Variants in PRSS23 observed in about 807,000 individuals in gnomAD.
PRSS23 encodes protease, serine 23.
Under a neutral mutation model 34.7 loss-of-function variants are expected in PRSS23, and 25 were observed. The observed-to-expected ratio is 0.72, with a 90% CI of 0.53 to 1.01. The LOEUF (loss-of-function observed/expected upper bound fraction) is 1.01. Ranked by LOEUF, PRSS23 falls within the 50% of genes least tolerant of loss-of-function variation. The pLI is 0.00. For missense variants in PRSS23, 445 were observed against 475.6 expected (o/e 0.94, Z 0.60); for synonymous variants, 176 against 186.6 (o/e 0.94, Z 0.46).
intron 2 of PRSS23, among the ~76,000 whole-genome samples, chr11:86,868,076 A>G (rs1168574049): frequency 6.6e-6 from 1 of 151,928 alleles, no homozygotes; most frequent in Non-Finnish European, 1.5e-5. Context: ...AGGAAAAAAA[A>G]GTGAAGCCTA....
chr11:86,943,971 CCT>C (rs1165996439), intron 2 of PRSS23, among the ~76,000 whole-genome samples: 10 of 152,016 alleles, frequency 6.6e-5, no homozygotes, highest in Admixed American at 4.6e-4. Flanking sequence ...AAACTCCTGA[CCT>C]CATGTGATCT....
intron 2 of PRSS23, chr11:86,911,691 GT>G (rs1383997035): frequency 6.6e-6 from 1 of 152,084 alleles, no homozygotes; most frequent in Non-Finnish European, 1.5e-5. Flanking sequence ...TGTTTTTGTA[GT>G]TTTAAAAGTA....
chr11:86,870,773 A>G (rs1948679583), intron 2 of PRSS23, among the ~76,000 whole-genome samples: 1 of 152,000 alleles, frequency 6.6e-6, no homozygotes, highest in African/African-American at 2.4e-5. Context: ...GCAGTGTCCA[A>G]TCTTCTCTTT....
chr11:86,797,204 G>T (rs974180663), upstream of PRSS23, among the ~76,000 whole-genome samples: 3 of 152,262 alleles, frequency 2.0e-5, no homozygotes, highest in Admixed American at 2.0e-4. Flanking sequence ...AAGAAGCAGT[G>T]AGGATTTCGG....
intron 2 of PRSS23, among the ~76,000 whole-genome samples, chr11:86,870,854 A>G (rs1948680117): frequency 6.6e-6 from 1 of 152,150 alleles, no homozygotes; most frequent in Non-Finnish European, 1.5e-5. Flanking sequence ...TGGTTTTTAT[A>G]GTTTTAATTG....
At chr11:86,834,366 C>A (rs1241199175) in intron 2 of PRSS23, among the ~76,000 whole-genome samples, 5 of 152,136 alleles carry the variant, frequency 3.3e-5, no homozygotes, top group African/African-American at 1.2e-4. Context: ...GTTCCCCATT[C>A]TATTTCTTCT....
At chr11:86,891,786 TAGTG>T (rs1375720259) in intron 2 of PRSS23, among the ~76,000 whole-genome samples, 1 of 152,116 alleles carries the variant, frequency 6.6e-6, no homozygotes, top group Non-Finnish European at 1.5e-5. Context: ...GTTCTTGTGC[TAGTG>T]AGTGAGTTCT....
At chr11:86,952,701 C>CATAA (rs148843702) in exon 3 of PRSS23, 5 of 462,752 alleles carry the variant, frequency 1.1e-5, no homozygotes, top group South Asian at 8.4e-5. Flanking sequence ...GAAGAATGTA[C>CATAA]ATAAATAAAT....
intron 2 of PRSS23, among the ~76,000 whole-genome samples, chr11:86,865,360 G>C (rs541474138): frequency 6.6e-6 from 1 of 152,326 alleles, no homozygotes; most frequent in African/African-American, 2.4e-5. Flanking sequence ...TATATCACTT[G>C]GAGGTAACAT....
chr11:86,901,332 T>C (rs1158183297), intron 2 of PRSS23, among the ~76,000 whole-genome samples: 1 of 152,166 alleles, frequency 6.6e-6, no homozygotes, highest in African/African-American at 2.4e-5. Flanking sequence ...GCAGAGGGCA[T>C]GATAAATGTT....
chr11:86,846,855 C>A (rs1243668740), intron 2 of PRSS23, among the ~76,000 whole-genome samples: 1 of 152,186 alleles, frequency 6.6e-6, no homozygotes, highest in Non-Finnish European at 1.5e-5. Context: ...AGTTCCCCAC[C>A]ATAGTGTGTA....
intron 2 of PRSS23, among the ~76,000 whole-genome samples, chr11:86,931,915 C>T (rs898484421): frequency 4.6e-5 from 7 of 151,988 alleles, no homozygotes; most frequent in Non-Finnish European, 1.0e-4. Flanking sequence ...AGCCTGGTGC[C>T]CTATTATTGG....
At chr11:86,950,447 G>A (rs1949280272) in intron 2 of PRSS23, 1 of 152,714 alleles carries the variant, frequency 6.5e-6, no homozygotes, top group Non-Finnish European at 1.5e-5. Flanking sequence ...GAGAGATGTT[G>A]AAATTTAAGA....
chr11:86,828,487 CA>C (rs1170993257), intron 2 of PRSS23, among the ~76,000 whole-genome samples: 2 of 152,090 alleles, frequency 1.3e-5, no homozygotes, highest in Non-Finnish European at 2.9e-5. Context: ...GCATTTAGTC[CA>C]TTTACATTTA....
intron 2 of PRSS23, chr11:86,948,480 C>T (rs552525438): frequency 6.6e-6 from 1 of 152,234 alleles, no homozygotes; most frequent in Admixed American, 6.5e-5. Flanking sequence ...AGTTCTTTTC[C>T]TGAAACCATA....
At position 86,826,922 on chromosome 11, in the gene PRSS23, G is replaced by A. The variant is rs867153175; in HGVS notation, c.206+3329G>A. On this transcript the variant is annotated intron_variant, in intron 2 of 2. Transcript: ENST00000533902. ...GTATTTTATTGAGGATTTTTGCATC[G>A]ATGTTCATCAAGGATATTGGTCTAA... Among the ~76,000 whole-genome samples, 209 of 152,180 alleles carry A rather than the reference G, an allele frequency of 1.4e-3. 1 individual carries two copies. The highest frequency in any genetic ancestry group is 4.5e-3 in the African/African-American group (188 of 41,500).
chr11:86,834,543 TTCCTTTCCTTTTTCCTTTCC>T (rs1228052404), intron 2 of PRSS23, among the ~76,000 whole-genome samples: 47 of 142,686 alleles, frequency 3.3e-4, no homozygotes, highest in Admixed American at 6.4e-4. Context: ...TTCCTTTCCT[TTCCTTTCCTTTTTCCTTTCC>T]TTTCCTTTCC....
At chr11:86,871,656 A>G (rs1377321369) in intron 2 of PRSS23, among the ~76,000 whole-genome samples, 1 of 152,200 alleles carries the variant, frequency 6.6e-6, no homozygotes, top group Admixed American at 6.5e-5. Flanking sequence ...TGTGACTTCT[A>G]ACCTCCAATG....
chr11:86,920,804 A>C (rs905212152), intron 2 of PRSS23, among the ~76,000 whole-genome samples: 2 of 151,968 alleles, frequency 1.3e-5, no homozygotes, highest in Non-Finnish European at 2.9e-5. Context: ...TGTTCAACCC[A>C]CCCTGTCTTA....
Sources: gnomAD v4.1 joint callset for allele counts (sites outside exome capture counted in the v4.1 genomes callset) on GRCh38, gnomAD v4.1.1 for gene constraint, MANE v1.5 for transcripts, NCBI Gene and HGNC (gene_info 2026-07-23, HGNC 2026-07-21) for gene names.